The following CSMD1 variants were observed in gnomAD, a reference collection of about 807,000 sequenced individuals.
The protein encoded by CSMD1 is CUB and Sushi multiple domains 1.
In CSMD1, 213 loss-of-function variants were observed where a neutral mutation model predicts 417.5. The ratio of observed to expected loss-of-function variants is 0.51; its 90% CI spans 0.46 to 0.57. The LOEUF is 0.57. Ranked by LOEUF, CSMD1 falls within the 20% of genes least tolerant of loss-of-function variation. CSMD1 has a pLI of 0.00. For synonymous variants in CSMD1, 2,862 were observed against 1,736.8 expected, an observed-to-expected ratio of 1.65 and a Z score of -16.11; for missense variants, 6,923 against 4,529.7, an observed-to-expected ratio of 1.53 and a Z score of -15.17.
At chr8:3,398,250 A>T (rs1202527186) in intron 16 of CSMD1, among the ~76,000 whole-genome samples, 1 of 152,196 alleles carries the variant, frequency 6.6e-6, no homozygotes, top group Admixed American at 6.5e-5. Context: ...AGAAATTAGT[A>T]AGAAACCCAA....
At chr8:3,553,523 C>G (rs979552267) in intron 10 of CSMD1, among the ~76,000 whole-genome samples, 5 of 152,182 alleles carry the variant, frequency 3.3e-5, no homozygotes, top group African/African-American at 1.2e-4. Context: ...ACTGTAGAAG[C>G]AGGATTGCTG....
intron 5 of CSMD1, among the ~76,000 whole-genome samples, chr8:3,849,511 T>C (rs755446391): frequency 6.6e-6 from 1 of 152,142 alleles, no homozygotes; most frequent in Non-Finnish European, 1.5e-5. Context: ...AGTAAATGAG[T>C]AGCTCGACGG....
At chr8:3,558,521 G>A (rs13266211) in intron 10 of CSMD1, among the ~76,000 whole-genome samples, 8 of 60,666 alleles carry the variant, frequency 1.3e-4, no homozygotes, top group South Asian at 6.0e-4. Context: ...ACCCCATGTC[G>A]ACTCCTCCAA....
At chr8:3,752,889 T>C (rs1294881840) in intron 6 of CSMD1, among the ~76,000 whole-genome samples, 1 of 152,118 alleles carries the variant, frequency 6.6e-6, no homozygotes, top group African/African-American at 2.4e-5. Flanking sequence ...AAGGAAACGA[T>C]GAAAGCATTA....
intron 3 of CSMD1, among the ~76,000 whole-genome samples, chr8:4,187,997 A>G (rs1798784281): frequency 6.6e-6 from 1 of 152,148 alleles, no homozygotes. Context: ...TATCTCCTAA[A>G]AAGCCAATAC....
intron 2 of CSMD1, among the ~76,000 whole-genome samples, chr8:4,525,172 A>C (rs1796451063): frequency 6.6e-6 from 1 of 152,174 alleles, no homozygotes; most frequent in Non-Finnish European, 1.5e-5. Flanking sequence ...CCAGGCTCCC[A>C]CCTTCCCTCT....
chr8:3,718,706 G>C (rs1007890869), intron 6 of CSMD1, among the ~76,000 whole-genome samples: 1 of 152,056 alleles, frequency 6.6e-6, no homozygotes, highest in Non-Finnish European at 1.5e-5. Flanking sequence ...TAATGTAAAG[G>C]GTAATTAGCA....
intron 3 of CSMD1, among the ~76,000 whole-genome samples, chr8:4,211,472 C>G (rs1800307777): frequency 6.6e-6 from 1 of 152,144 alleles, no homozygotes; most frequent in Non-Finnish European, 1.5e-5. Context: ...AAGATTTTAG[C>G]TCATTTTGAA....
chr8:4,423,759 C>T (rs1154042), intron 2 of CSMD1, among the ~76,000 whole-genome samples: 8,097 of 151,928 alleles, frequency 0.053, 700 homozygotes, highest in African/African-American at 0.19. Flanking sequence ...ATAGCTCAAA[C>T]ATTTTGCGAG....
chr8:3,340,577 A>T (rs1550891), intron 23 of CSMD1, among the ~76,000 whole-genome samples: 46,605 of 152,054 alleles, frequency 0.31, 7,782 homozygotes, highest in African/African-American at 0.44. Context: ...TCTTAAGCAT[A>T]AATAACTTGC....
chr8:4,186,814 C>T (rs939441141), intron 3 of CSMD1, among the ~76,000 whole-genome samples: 1 of 144,376 alleles, frequency 6.9e-6, no homozygotes, highest in Non-Finnish European at 1.5e-5. Flanking sequence ...TGGTGACACC[C>T]CGTCTCTACT....
At chr8:4,132,282 A>T (rs1421821493) in intron 3 of CSMD1, among the ~76,000 whole-genome samples, 2 of 145,316 alleles carry the variant, frequency 1.4e-5, no homozygotes, top group South Asian at 2.2e-4. Context: ...ATCCAAGGTG[A>T]TGTTTATTCT....
intron 1 of CSMD1, among the ~76,000 whole-genome samples, chr8:4,642,694 G>C (rs1165303570): frequency 6.6e-6 from 1 of 152,144 alleles, no homozygotes; most frequent in South Asian, 2.1e-4. Context: ...CATTTAATTC[G>C]TGCACAGCCT....
intron 3 of CSMD1, among the ~76,000 whole-genome samples, chr8:4,320,470 T>C (rs1799208153): frequency 6.6e-6 from 1 of 152,108 alleles, no homozygotes; most frequent in African/African-American, 2.4e-5. Context: ...CAACCTGCGA[T>C]CTACATTAGA....
intron 5 of CSMD1, among the ~76,000 whole-genome samples, chr8:3,995,477 T>C (rs1464117082): frequency 6.6e-6 from 1 of 152,200 alleles, no homozygotes; most frequent in Admixed American, 6.5e-5. Flanking sequence ...CCTGTAGTCC[T>C]GAAACAGAGA....
At chr8:3,464,887 T>A (rs1056152656) in intron 12 of CSMD1, among the ~76,000 whole-genome samples, 1 of 152,138 alleles carries the variant, frequency 6.6e-6, no homozygotes, top group Non-Finnish European at 1.5e-5. Context: ...TAACATGATC[T>A]CCCTCAAGAG....
chr8:4,365,211 T>G (rs1004308612), intron 3 of CSMD1, among the ~76,000 whole-genome samples: 12 of 152,136 alleles, frequency 7.9e-5, no homozygotes, highest in African/African-American at 2.9e-4. Flanking sequence ...TGTCTATATA[T>G]AAAAAAAGAG....
At chr8:4,069,830 G>A (rs560299624) in intron 3 of CSMD1, among the ~76,000 whole-genome samples, 15 of 152,202 alleles carry the variant, frequency 9.9e-5, no homozygotes, top group African/African-American at 1.4e-4. Context: ...AAAGAATATC[G>A]AAATGAAGAC....
intron 2 of CSMD1, among the ~76,000 whole-genome samples, chr8:4,619,460 T>C (rs1801650825): frequency 6.6e-6 from 1 of 152,126 alleles, no homozygotes; most frequent in Non-Finnish European, 1.5e-5. Flanking sequence ...GCTAGTGTAG[T>C]AGAAGTAGCA....
Sources: allele counts gnomAD v4.1 joint callset (sites outside exome capture counted in the v4.1 genomes callset), GRCh38; gene constraint gnomAD v4.1.1; transcripts MANE v1.5; gene names NCBI Gene and HGNC (gene_info 2026-07-23, HGNC 2026-07-21).